ASTN2: variants seen among roughly 807,000 people sequenced by gnomAD.
ASTN2 encodes the protein astrotactin 2, also known as astrotactin-2.
ASTN2 carries 54 observed loss-of-function variants against 139.8 expected under a neutral mutation model. The ratio of observed to expected loss-of-function variants is 0.39; its 90% CI spans 0.31 to 0.48. The LOEUF (loss-of-function observed/expected upper bound fraction) is 0.48. Ranked by LOEUF, ASTN2 falls within the 20% of genes least tolerant of loss-of-function variation. The probability of loss-of-function intolerance (pLI) is 0.95; values close to 1 mark genes in which losing one functional copy is unlikely to be tolerated. For missense variants in ASTN2, 1,565 were observed against 1,725.1 expected (o/e 0.91, Z 1.64); for synonymous variants, 756 against 719.5 (o/e 1.05, Z -0.81).
intron 19 of ASTN2, among the ~76,000 whole-genome samples, chr9:116,614,780 A>T (rs536742744): frequency 3.9e-5 from 6 of 152,232 alleles, no homozygotes; most frequent in Middle Eastern, 3.4e-3. Flanking sequence ...CTAGAAGAAA[A>T]CCTAGGCAAT....
At chr9:116,857,541 T>C (rs973260807) in intron 11 of ASTN2, among the ~76,000 whole-genome samples, 2 of 152,170 alleles carry the variant, frequency 1.3e-5, no homozygotes, top group African/African-American at 4.8e-5. Flanking sequence ...TTATACTATA[T>C]AGTGACAAAG....
At chr9:116,805,259 A>G (rs971402918) in intron 13 of ASTN2, among the ~76,000 whole-genome samples, 9 of 152,278 alleles carry the variant, frequency 5.9e-5, no homozygotes, top group Admixed American at 3.9e-4. Context: ...CTACTACATT[A>G]AATGTCCTTA....
chr9:116,765,400 C>T (rs1417773009), intron 13 of ASTN2, among the ~76,000 whole-genome samples: 2 of 152,124 alleles, frequency 1.3e-5, no homozygotes, highest in East Asian at 1.9e-4. Context: ...CTTAAGCCAC[C>T]GCATTAGGGA....
intron 5 of ASTN2, among the ~76,000 whole-genome samples, chr9:117,069,953 C>T (rs1395488750): frequency 7.6e-6 from 1 of 131,290 alleles, no homozygotes; most frequent in Non-Finnish European, 1.6e-5. Flanking sequence ...TGGGTCTTGA[C>T]TCTTTATCCA....
At chr9:116,452,932 A>G (rs115507236) in intron 20 of ASTN2, among the ~76,000 whole-genome samples, 3,318 of 152,264 alleles carry the variant, frequency 0.022, 130 homozygotes, top group African/African-American at 0.076. Flanking sequence ...CTGACCCTAA[A>G]GCCCTTCTCT....
At chr9:116,712,073 T>A (rs1828179039) in intron 16 of ASTN2, among the ~76,000 whole-genome samples, 1 of 152,210 alleles carries the variant, frequency 6.6e-6, no homozygotes, top group South Asian at 2.1e-4. Context: ...CCAGTGGGAT[T>A]TGATTCCTGT....
chr9:117,313,958 C>T (rs1260746994), intron 1 of ASTN2, among the ~76,000 whole-genome samples: 1 of 152,128 alleles, frequency 6.6e-6, no homozygotes, highest in Non-Finnish European at 1.5e-5. Context: ...ACTCTCCTTC[C>T]CACTTCTCCC....
chr9:116,866,640 C>A (rs1018973380), intron 10 of ASTN2, among the ~76,000 whole-genome samples: 4 of 152,044 alleles, frequency 2.6e-5, no homozygotes, highest in African/African-American at 7.2e-5. Flanking sequence ...GGCGTGGTGG[C>A]TCACACCTGT....
chr9:117,388,997 A>C (rs768154651), intron 1 of ASTN2, among the ~76,000 whole-genome samples: 1 of 152,202 alleles, frequency 6.6e-6, no homozygotes, highest in African/African-American at 2.4e-5. Context: ...CAGAAACAAG[A>C]TGAATGTTTA....
intron 1 of ASTN2, among the ~76,000 whole-genome samples, chr9:117,382,876 C>G (rs537043589): frequency 1.3e-5 from 2 of 152,230 alleles, no homozygotes; most frequent in East Asian, 3.9e-4. Context: ...CATCCATATA[C>G]ACAATAGATG....
intron 3 of ASTN2, among the ~76,000 whole-genome samples, chr9:117,201,433 G>A (rs1831714897): frequency 6.6e-6 from 1 of 151,810 alleles, no homozygotes; most frequent in South Asian, 2.1e-4. Context: ...GTGATGTTAG[G>A]GTGTCAATCT....
chr9:116,909,748 T>C (rs1452408711), intron 10 of ASTN2, among the ~76,000 whole-genome samples: 1 of 151,744 alleles, frequency 6.6e-6, no homozygotes, highest in Non-Finnish European at 1.5e-5. Context: ...CAGTAAAGAG[T>C]GTTGTCTTCG....
At chr9:116,847,398 G>A (rs554628148) in intron 11 of ASTN2, among the ~76,000 whole-genome samples, 15 of 152,256 alleles carry the variant, frequency 9.9e-5, no homozygotes, top group African/African-American at 2.6e-4. Context: ...ACAGGCATGA[G>A]CCACCGTGCC....
At position 116,487,543 on chromosome 9, in the gene ASTN2, T is replaced by C. The variant is rs756393988; in HGVS notation, c.3356-43A>G. The C allele has an allele frequency of 5.0e-6, 8 of 1,584,966 alleles. No homozygotes were observed. In the Admixed American group the frequency reaches 9.0e-5, roughly 18 times the overall value. ...AAGATGAGCTCCCCAGCTCAGGCCA[T>C]AGTGAGGAGACGTTTTTGCTGTCAT... is the stretch of plus-strand genomic sequence containing the variant. On this transcript the variant is annotated intron_variant, in intron 19 of 22. Transcript: ENST00000313400.
chr9:116,599,464 C>A (rs981305276), intron 19 of ASTN2, among the ~76,000 whole-genome samples: 1 of 152,232 alleles, frequency 6.6e-6, no homozygotes, highest in Non-Finnish European at 1.5e-5. Context: ...ATGCCCCAGG[C>A]ATCTTACAGA....
Position 117,391,507 on chromosome 9 carries a change from G to T in ASTN2, c.442+22990C>A, listed in dbSNP as rs574468698. 2.0e-5 allele frequency among the ~76,000 whole-genome samples: 3 copies of T among 152,218 alleles called. No homozygotes were observed. In the East Asian group the frequency reaches 5.8e-4, roughly 30 times the overall value. ...TTGTGAGACCAATTCACTATCATGA[G>T]AACAGCATGGGAAAGACCTGCTTCC... On this transcript the variant is annotated intron_variant, in intron 1 of 22. Transcript: ENST00000313400.
intron 10 of ASTN2, among the ~76,000 whole-genome samples, chr9:116,969,009 A>G (rs1836103224): frequency 6.6e-6 from 1 of 151,516 alleles, no homozygotes; most frequent in Non-Finnish European, 1.5e-5. Context: ...TCCAACATCT[A>G]TTTGCTACCT....
intron 11 of ASTN2, among the ~76,000 whole-genome samples, chr9:116,828,370 C>G (rs7855265): frequency 0.84 from 127,275 of 151,040 alleles, 53,814 homozygotes; most frequent in East Asian, 0.95. Flanking sequence ...ACCATGACAT[C>G]ATCAGGTGGA....
At chr9:117,392,442 G>GTCTTC (rs1830565537) in intron 1 of ASTN2, among the ~76,000 whole-genome samples, 1 of 152,102 alleles carries the variant, frequency 6.6e-6, no homozygotes, top group South Asian at 2.1e-4. Context: ...TTCTGTCATG[G>GTCTTC]TCTTCTTTTC....
Sources: allele counts gnomAD v4.1 joint callset (sites outside exome capture counted in the v4.1 genomes callset), GRCh38; gene constraint gnomAD v4.1.1; transcripts MANE v1.5; gene names NCBI Gene and HGNC (gene_info 2026-07-23, HGNC 2026-07-21).